RTTN: variants seen among roughly 807,000 people sequenced by gnomAD.
RTTN encodes rotatin.
A neutral mutation model predicts 269.2 loss-of-function variants in RTTN; 182 were observed. The observed-to-expected ratio is 0.68, with a 90% CI of 0.60 to 0.76. The LOEUF (loss-of-function observed/expected upper bound fraction) is 0.76. Ranked by LOEUF, RTTN falls within the 30% of genes least tolerant of loss-of-function variation. The pLI is 0.00. For missense variants in RTTN, 2,545 were observed against 2,608.6 expected, an observed-to-expected ratio of 0.98 and a Z score of 0.53; for synonymous variants, 1,006 against 963.5, an observed-to-expected ratio of 1.04 and a Z score of -0.82.
At chr18:70,071,940 A>T (rs2058306644) in intron 34 of RTTN, among the ~76,000 whole-genome samples, 1 of 152,204 alleles carries the variant, frequency 6.6e-6, no homozygotes, top group African/African-American at 2.4e-5. Context: ...AAATAAGCAG[A>T]TAAGCTGATT....
At chr18:70,185,851 A>G (rs2061532241) in intron 10 of RTTN, among the ~76,000 whole-genome samples, 1 of 152,132 alleles carries the variant, frequency 6.6e-6, no homozygotes, top group African/African-American at 2.4e-5. Context: ...AATACACAAA[A>G]ATCAATTGTA....
At chr18:70,082,766 C>T in intron 32 of RTTN, among the ~76,000 whole-genome samples, 1 of 152,162 alleles carries the variant, frequency 6.6e-6, no homozygotes, top group Non-Finnish European at 1.5e-5. Flanking sequence ...TCATAGCTTA[C>T]TGTGGCCTCA....
chr18:70,011,213 A>G (rs1220988768), intron 46 of RTTN, among the ~76,000 whole-genome samples: 1 of 152,192 alleles, frequency 6.6e-6, no homozygotes, highest in Non-Finnish European at 1.5e-5. Flanking sequence ...ATAGAAAAAG[A>G]GGGAATCCTC....
At chr18:70,024,658 T>A in intron 44 of RTTN, 64 bp downstream of exon 44, 1 of 1,444,854 alleles carries the variant, frequency 6.9e-7, no homozygotes. Context: ...CCAGTCCACC[T>A]TAACAACATT....
intron 21 of RTTN, among the ~76,000 whole-genome samples, chr18:70,137,980 T>C (rs1055752535): frequency 3.3e-5 from 5 of 152,164 alleles, no homozygotes; most frequent in South Asian, 2.1e-4. Flanking sequence ...AAGCAGCTGG[T>C]TAAAAATTAA....
At chr18:70,179,225 T>C (rs1161367147) in intron 10 of RTTN, among the ~76,000 whole-genome samples, 2 of 152,134 alleles carry the variant, frequency 1.3e-5, no homozygotes, top group African/African-American at 2.4e-5. Context: ...AGAAAACAAA[T>C]TGGAAATACA....
chr18:70,041,957 T>G (rs941550096), intron 40 of RTTN, among the ~76,000 whole-genome samples: 4 of 152,070 alleles, frequency 2.6e-5, no homozygotes, highest in Admixed American at 2.6e-4. Context: ...GGACAGCAAT[T>G]GACAAGTTGC....
At chr18:70,154,571 C>G (rs943447812) in intron 14 of RTTN, among the ~76,000 whole-genome samples, 1 of 152,092 alleles carries the variant, frequency 6.6e-6, no homozygotes, top group Non-Finnish European at 1.5e-5. Context: ...CTTGTTCTAC[C>G]TCTAAAATCA....
chr18:70,020,643 G>T lies in RTTN; in HGVS notation c.6125C>A (p.Ser2042Ter). The change falls in exon 45 of 49, where the codon TCG (serine) becomes TAG (stop). Residue 2042 changes from serine to a stop codon, truncating the protein, a stop_gained. Transcript: ENST00000640769. LOFTEE classifies it high-confidence loss of function. Reference protein sequence around the residue: ...VFMLLSNLALSHDCKGVIQKS... With the variant: ...VFMLLSNLAL ...CTGAATTACTCCTTTACAGTCATGC[G>T]ACAAGGCCAGGTTTGAAAGAAGCAT... The T allele has an allele frequency of 1.2e-6, 2 of 1,613,796 alleles. No individual in the cohort carries two copies. Among genetic ancestry groups the T allele is most frequent in the East Asian group, 4.5e-5 (2 of 44,896 alleles).
At chr18:70,114,869 TTA>T (rs1309031656) in intron 26 of RTTN, among the ~76,000 whole-genome samples, 6 of 152,120 alleles carry the variant, frequency 3.9e-5, no homozygotes. Context: ...ATTGCCACTA[TTA>T]TATATTGATA....
At chr18:70,171,128 G>A (rs1443975039) in intron 11 of RTTN, among the ~76,000 whole-genome samples, 1 of 152,166 alleles carries the variant, frequency 6.6e-6, no homozygotes, top group Admixed American at 6.5e-5. Flanking sequence ...TTATATGTCT[G>A]GTCTGGAAGT....
intron 40 of RTTN, among the ~76,000 whole-genome samples, chr18:70,039,371 C>T (rs1402750788): frequency 6.7e-6 from 1 of 149,274 alleles, no homozygotes; most frequent in Admixed American, 6.7e-5. Flanking sequence ...TTACAGGTCA[C>T]GAGAGAGTGG....
intron 35 of RTTN, chr18:70,061,499 T>C (rs2057984794): frequency 1.8e-5 from 8 of 447,758 alleles, no homozygotes; most frequent in Middle Eastern, 3.3e-4. Context: ...AACGTGTGTG[T>C]ATATACGTAT....
intron 9 of RTTN, 26 bp from the exon 10 acceptor site, chr18:70,188,249 AAGG>A (rs1314086773): frequency 1.6e-6 from 2 of 1,259,820 alleles, no homozygotes; most frequent in African/African-American, 1.5e-5. Context: ...GAAAAAAGTA[AAGG>A]AGAAGAAGTT....
intron 19 of RTTN, among the ~76,000 whole-genome samples, chr18:70,141,899 A>G (rs1047181180): frequency 6.6e-6 from 1 of 152,220 alleles, no homozygotes; most frequent in African/African-American, 2.4e-5. Context: ...AATATGATGC[A>G]TGCACTCAGT....
intron 14 of RTTN, among the ~76,000 whole-genome samples, chr18:70,162,886 G>GAAAAAAAAAAAAAAAAAAAGAAA (rs5825997): frequency 2.0e-5 from 1 of 50,196 alleles, no homozygotes; most frequent in African/African-American, 7.7e-5. Context: ...AATAAAAGTT[G>GAAAAAAAAAAAAAAAAAAAGAAA]AAAAAAAAAA....
chr18:70,146,206 T>A lies in RTTN; in HGVS notation c.2310-423A>T, dbSNP rs559634318. Among the ~76,000 whole-genome samples the A allele has an allele frequency of 8.5e-5, 13 of 152,308 alleles. No individual in the cohort carries two copies. In the South Asian group the frequency reaches 2.5e-3, roughly 29 times the overall value. On this transcript the variant is annotated intron_variant, in intron 17 of 48. Coordinates refer to ENST00000640769, the MANE Select transcript of RTTN (RefSeq NM_173630.4). ...AGAGTAATGACGCTCATAATGGAAG[T>A]GTGATAACACTACAATGTATCAAAA...
chr18:70,031,329 G>A (rs1324040252), intron 40 of RTTN: 3 of 401,524 alleles, frequency 7.5e-6, no homozygotes, highest in Non-Finnish European at 1.3e-5. Context: ...TTGTAAAACT[G>A]CTGAACAGGA....
At chr18:70,139,810 G>GT in intron 20 of RTTN, 94 bp from the exon 21 acceptor site, 1 of 772,820 alleles carries the variant, frequency 1.3e-6, no homozygotes, top group Non-Finnish European at 2.2e-6. Context: ...AATTTTATGC[G>GT]TTTTCATCAA....
Sources: allele counts gnomAD v4.1 joint callset (sites outside exome capture counted in the v4.1 genomes callset), GRCh38; gene constraint gnomAD v4.1.1; transcripts MANE v1.5; gene names NCBI Gene and HGNC (gene_info 2026-07-23, HGNC 2026-07-21).